Variants in TGM6 observed in about 807,000 individuals in gnomAD.
TGM6 encodes the protein transglutaminase 6, also known as protein-glutamine gamma-glutamyltransferase 6.
Under a neutral mutation model 77.5 loss-of-function variants are expected in TGM6, and 74 were observed. The observed-to-expected ratio is 0.96, with a 90% CI of 0.79 to 1.16. TGM6 has a LOEUF of 1.16. Among genes scored for constraint, TGM6 ranks in the 50% most tolerant of loss-of-function variants. The pLI, the probability that TGM6 is intolerant of heterozygous loss-of-function variation, is 0.00. For synonymous variants in TGM6, 383 were observed against 378.9 expected, an observed-to-expected ratio of 1.01 and a Z score of -0.12; for missense variants, 968 against 940.2, an observed-to-expected ratio of 1.03 and a Z score of -0.39.
rs2084629718 is a variant in TGM6 at position 2,391,517 on chromosome 20, T to C, written c.8-2935T>C. On this transcript the variant is annotated intron_variant, in intron 1 of 12. Coordinates refer to ENST00000202625, the MANE Select transcript of TGM6 (RefSeq NM_198994.3). ...AGCTGTGAGGGGGTGGGGGGTGAGC[T>C]GGAGGAGTGGAAAGCAATGGGATCC... 1.3e-5 allele frequency among the ~76,000 whole-genome samples: 2 copies of C among 151,590 alleles called. 1 individual carries two copies. The highest frequency in any genetic ancestry group is 4.2e-4 in the South Asian group (2 of 4,792).
At chr20:2,381,728 G>A (rs113392444) in intron 1 of TGM6, among the ~76,000 whole-genome samples, 4 of 152,240 alleles carry the variant, frequency 2.6e-5, no homozygotes, top group African/African-American at 9.6e-5. Flanking sequence ...ACCAGCCTGG[G>A]CAATGTGGCA....
chr20:2,422,637 G>A (rs2084864094), intron 10 of TGM6, among the ~76,000 whole-genome samples: 1 of 151,902 alleles, frequency 6.6e-6, no homozygotes, highest in African/African-American at 2.4e-5. Context: ...GCTATAAAAT[G>A]CTAACAATCG....
At chr20:2,427,980 T>A (rs952133291) in intron 10 of TGM6, among the ~76,000 whole-genome samples, 1 of 152,224 alleles carries the variant, frequency 6.6e-6, no homozygotes, top group African/African-American at 2.4e-5. Flanking sequence ...TAAGACTTCT[T>A]CTTTGTCCCA....
rs551057663 is a variant in TGM6 at position 2,413,685 on chromosome 20, T to A, written c.1337-3547T>A. On this transcript the variant is annotated intron_variant, in intron 9 of 12. Transcript: ENST00000202625. ...ACCCCACTGGTTACATGAAAAATTTTTAAAAAAGGGAAATAAAAAGAATGA... is the reference window on the plus strand; with the variant it reads ...ACCCCACTGGTTACATGAAAAATTTATAAAAAAGGGAAATAAAAAGAATGA... Among the ~76,000 whole-genome samples the A allele has an allele frequency of 4.6e-5, 7 of 152,202 alleles. No homozygotes were observed. The East Asian group carries it at 5.8e-4, about 13-fold the overall frequency.
At chr20:2,422,749 T>C (rs1289967749) in intron 10 of TGM6, among the ~76,000 whole-genome samples, 1 of 151,754 alleles carries the variant, frequency 6.6e-6, no homozygotes, top group East Asian at 1.9e-4. Flanking sequence ...CTGGGCAACA[T>C]GGTGAAACCC....
At chr20:2,423,281 C>A (rs1027046221) in intron 10 of TGM6, among the ~76,000 whole-genome samples, 22 of 151,348 alleles carry the variant, frequency 1.5e-4, no homozygotes, top group African/African-American at 5.3e-4. Flanking sequence ...CGATGGTGTT[C>A]GATAGCATTT....
At chr20:2,398,172 C>A in intron 5 of TGM6, 126 bp downstream of exon 5, 3 of 1,496,562 alleles carry the variant, frequency 2.0e-6, no homozygotes, top group Admixed American at 1.7e-5. Context: ...GAACCAACCA[C>A]CCCAAAACTC....
intron 9 of TGM6, among the ~76,000 whole-genome samples, chr20:2,407,666 T>C (rs1599955946): frequency 6.6e-6 from 1 of 151,808 alleles, no homozygotes; most frequent in African/African-American, 2.4e-5. Flanking sequence ...TACAGGGAGG[T>C]TAAGTAACTT....
Position 2,395,399 on chromosome 20 carries a change from G to A in TGM6, c.387G>A (p.Leu129=). The A allele has an allele frequency of 6.2e-7, 1 of 1,614,260 alleles. No homozygotes were observed. Among genetic ancestry groups the A allele is most frequent in the East Asian group, 2.2e-5 (1 of 44,892 alleles). Residue 129 remains leucine, a synonymous_variant, in exon 3 of 13, where the codon CTG becomes CTA. Coordinates refer to ENST00000202625, the MANE Select transcript of TGM6 (RefSeq NM_198994.3). ...ACCGCAAACACAGCAACCGGAGGCT[G>A]GGCGAGTTTGTTCTCCTTTTCAACC... ...SSHRKHSNRR[L]GEFVLLFNPW...
rs147214177 is a variant in TGM6 at position 2,417,525 on chromosome 20, G to A, written c.1630G>A (p.Ala544Thr). 3 of 1,606,678 alleles carry A rather than the reference G, an allele frequency of 1.9e-6. No homozygotes were observed. Among genetic ancestry groups the A allele is most frequent in the African/African-American group, 1.3e-5 (1 of 74,938 alleles). The change falls in exon 10 of 13, where the codon GCA becomes ACA. Residue 544 changes from alanine to threonine, a missense_variant. Coordinates refer to ENST00000202625, the MANE Select transcript of TGM6 (RefSeq NM_198994.3). ...ATILYTRKPVAEILHESHAVR... is the reference protein window; with the variant it reads ...ATILYTRKPVTEILHESHAVR... ...CATCCTCTATACCCGCAAGCCAGTG[G>A]CAGAGATCCTGCATGAATCCCACGC... is the stretch of plus-strand genomic sequence containing the variant.
intron 9 of TGM6, among the ~76,000 whole-genome samples, chr20:2,411,456 T>TA (rs72545468): frequency 0.29 from 44,023 of 150,892 alleles, 8,979 homozygotes; most frequent in African/African-American, 0.58. Context: ...CCCTTTATGA[T>TA]AAAAAAAAAC....
intron 6 of TGM6, among the ~76,000 whole-genome samples, 171 bp downstream of exon 6, chr20:2,399,909 A>G (rs1415104679): frequency 6.6e-6 from 1 of 152,138 alleles, no homozygotes; most frequent in Non-Finnish European, 1.5e-5. Context: ...TTTCCTTCAT[A>G]TCTGATCTTT....
At chr20:2,388,835 T>C (rs1188062473) in intron 1 of TGM6, among the ~76,000 whole-genome samples, 1 of 152,202 alleles carries the variant, frequency 6.6e-6, no homozygotes, top group Admixed American at 6.5e-5. Context: ...TCCTGTATGC[T>C]TGGCATCAAA....
Position 2,386,062 on chromosome 20 carries a change from G to A in TGM6, c.7+5087G>A, listed in dbSNP as rs575900436. 2.0e-5 allele frequency among the ~76,000 whole-genome samples: 3 copies of A among 152,266 alleles called. No individual in the cohort carries two copies. The South Asian group carries it at 6.2e-4, about 32-fold the overall frequency. On this transcript the variant is annotated intron_variant, in intron 1 of 12. Coordinates refer to ENST00000202625, the MANE Select transcript of TGM6 (RefSeq NM_198994.3). ...CTGGGTTTATTTTGACAAGGGGCCT[G>A]GAAACCATCCCAAGTGCACATCTAT...
Position 2,430,600 on chromosome 20 carries a change from G to C in TGM6, c.1833G>C (p.Lys611Asn). 2 of 1,614,014 alleles carry C rather than the reference G, an allele frequency of 1.2e-6. No homozygotes were observed. Among genetic ancestry groups the C allele is most frequent in the Non-Finnish European group, 1.7e-6 (2 of 1,180,030 alleles). ...DITLEDFITI[K>N]VLGPAMVGVA... ...CTCTAGAGGACTTCATCACCATCAA[G>C]GTGACCTCAGCCTGCATCTACCATG... The change falls in exon 11 of 13, where the codon AAG (lysine) becomes AAC (asparagine). Residue 611 changes from lysine (K) to asparagine (N), a missense_variant and splice_region_variant. Coordinates refer to ENST00000202625, the MANE Select transcript of TGM6 (RefSeq NM_198994.3).
At chr20:2,384,373 G>A (rs1007939771) in intron 1 of TGM6, among the ~76,000 whole-genome samples, 1 of 152,268 alleles carries the variant, frequency 6.6e-6, no homozygotes, top group Non-Finnish European at 1.5e-5. Context: ...TCCAGAGAAG[G>A]AAATCGGATC....
chr20:2,430,562 GAGA>G lies in TGM6; in HGVS notation c.1798_1800del (p.Lys600del). The G allele has an allele frequency of 6.2e-7, 1 of 1,614,176 alleles. No individual in the cohort carries two copies. The highest frequency in any genetic ancestry group is 8.5e-7 in the Non-Finnish European group (1 of 1,180,032). ...CACCAAAGGAGAGAAGCTTCTGGTGGAGAAGGACATTACTCTAGAGGACTTCAT... is the reference window on the plus strand; with the variant it reads ...CACCAAAGGAGAGAAGCTTCTGGTGGAGGACATTACTCTAGAGGACTTCAT... On this transcript the variant is annotated inframe_deletion, in exon 11 of 13. Coordinates refer to ENST00000202625, the MANE Select transcript of TGM6 (RefSeq NM_198994.3).
At chr20:2,425,076 G>C (rs753377339) in intron 10 of TGM6, among the ~76,000 whole-genome samples, 12 of 152,152 alleles carry the variant, frequency 7.9e-5, no homozygotes, top group Non-Finnish European at 4.4e-5. Context: ...GCTCATATAT[G>C]TAATCCCAAT....
chr20:2,415,560 G>A (rs1372200517), intron 9 of TGM6, among the ~76,000 whole-genome samples: 1 of 152,186 alleles, frequency 6.6e-6, no homozygotes, highest in Non-Finnish European at 1.5e-5. Context: ...CTGACCTCAT[G>A]GTGAGGCAGT....
Sources: allele counts gnomAD v4.1 joint callset (sites outside exome capture counted in the v4.1 genomes callset), GRCh38; gene constraint gnomAD v4.1.1; transcripts MANE v1.5; gene names NCBI Gene and HGNC (gene_info 2026-07-23, HGNC 2026-07-21).